ZNF143: variants seen among roughly 807,000 people sequenced by gnomAD.
ZNF143 encodes the protein SPH-binding factor.
ZNF143 carries 49 observed loss-of-function variants against 74.1 expected under a neutral mutation model. That is an observed-to-expected ratio of 0.66 (90% confidence interval 0.53 to 0.84). ZNF143 has a LOEUF of 0.84. Ranked by LOEUF, ZNF143 falls within the 40% of genes least tolerant of loss-of-function variation. The probability of loss-of-function intolerance (pLI) is 0.00; values close to 1 mark genes in which losing one functional copy is unlikely to be tolerated. For synonymous variants in ZNF143, 304 were observed against 282.8 expected (o/e 1.07, Z -0.75); for missense variants, 637 against 793.4 (o/e 0.80, Z 2.37).
At chr11:9,523,197 G>T (rs1460229656) in intron 14 of ZNF143, among the ~76,000 whole-genome samples, 1 of 151,966 alleles carries the variant, frequency 6.6e-6, no homozygotes, top group Non-Finnish European at 1.5e-5. Flanking sequence ...ATTACGTGTT[G>T]TGGCTGGGTT....
intron 5 of ZNF143, 125 bp downstream of exon 5, chr11:9,474,758 A>T: frequency 1.9e-6 from 2 of 1,030,168 alleles, no homozygotes; most frequent in Non-Finnish European, 2.8e-6. Context: ...TTAAAGTACA[A>T]GGTGGCAGAT....
chr11:9,518,808 A>G (rs1848812780), intron 14 of ZNF143, among the ~76,000 whole-genome samples: 1 of 151,978 alleles, frequency 6.6e-6, no homozygotes, highest in Non-Finnish European at 1.5e-5. Context: ...CTTGTTACAT[A>G]TTGCCAAATT....
In ZNF143 at chr11:9,501,197, C is replaced by G; in HGVS notation, c.1074C>G (p.Tyr358Ter). Residue 358 changes from tyrosine (Y) to a stop codon, truncating the protein, a stop_gained, in exon 11 of 16, where the codon TAC (tyrosine) becomes TAG (stop). Transcript: ENST00000396602. LOFTEE classifies it high-confidence loss of function. Reference sequence around the variant, plus strand: ...CACACACAGGAGAAAGACCTTATTACTGCACAGAGCCAGGATGTGGGAGGG... The same window carrying G: ...CACACACAGGAGAAAGACCTTATTAGTGCACAGAGCCAGGATGTGGGAGGG... The part of the protein sequence containing the change: ...VRTHTGERPY[Y>*]CTEPGCGRAF... 1 of 1,614,166 alleles carries G rather than the reference C, an allele frequency of 6.2e-7. No individual in the cohort carries two copies. Among genetic ancestry groups the G allele is most frequent in the Non-Finnish European group, 8.5e-7 (1 of 1,180,022 alleles).
intron 10 of ZNF143, among the ~76,000 whole-genome samples, chr11:9,499,736 C>T (rs569996091): frequency 2.0e-5 from 3 of 152,132 alleles, no homozygotes; most frequent in Non-Finnish European, 4.4e-5. Flanking sequence ...AACAAACTTA[C>T]TATATATAGA....
In ZNF143 at chr11:9,492,707, T is replaced by C. The variant is rs540375223; in HGVS notation, c.646-1939T>C. Among the ~76,000 whole-genome samples the C allele has an allele frequency of 5.9e-5, 9 of 152,354 alleles. No homozygotes were observed. In the East Asian group the frequency reaches 1.7e-3, roughly 29 times the overall value. On this transcript the variant is annotated intron_variant, in intron 7 of 15. Transcript: ENST00000396602. The stretch of plus-strand genomic sequence containing the variant: ...ATTCTGTTCATATATTTTAGTGGTA[T>C]GAATCCTTTTATAAATCTTGTGACA...
chr11:9,479,534 GA>G lies in ZNF143; in HGVS notation c.640del (p.Met214CysfsTer12). The G allele has an allele frequency of 6.2e-7, 1 of 1,612,324 alleles. No individual in the cohort carries two copies. Among genetic ancestry groups the G allele is most frequent in the Non-Finnish European group, 8.5e-7 (1 of 1,179,454 alleles). On this transcript the variant is annotated frameshift_variant, in exon 7 of 16. Coordinates refer to ENST00000396602, the MANE Select transcript of ZNF143 (RefSeq NM_003442.6). LOFTEE classifies it high-confidence loss of function. ...GAATGATTGGAGAAAATGAGCAAGA[GA>G]AAAAAATGCAGGTATGTAAAGCTAC... ...TGMIGENEQE[K>X]KMQIVLQGHA...
intron 3 of ZNF143, among the ~76,000 whole-genome samples, chr11:9,473,499 A>G (rs1035310248): frequency 6.6e-5 from 10 of 152,158 alleles, no homozygotes; most frequent in East Asian, 1.9e-4. Flanking sequence ...CTTTGTTTCT[A>G]TGGAAACCTA....
intron 1 of ZNF143, among the ~76,000 whole-genome samples, chr11:9,464,160 G>T (rs1856049146): frequency 1.3e-5 from 2 of 151,630 alleles, no homozygotes; most frequent in South Asian, 4.2e-4. Context: ...AAGAGACAGG[G>T]TCTCACTCTC....
rs1377252101 is a variant in ZNF143, at chr11:9,474,586, T to C, written c.326T>C (p.Val109Ala). ...TTGCGTCTAGAGGATGGTCAAGCAG[T>C]ACAGTTAGAAGATGGTACCACAGCA... Reference protein sequence around the residue: ...DSLRLEDGQAVQLEDGTTAFI... With the variant: ...DSLRLEDGQAAQLEDGTTAFI... Residue 109 changes from valine to alanine, a missense_variant, in exon 5 of 16, where the codon GTA becomes GCA. By Grantham distance (64) the Val-to-Ala change is moderately conservative. Coordinates refer to ENST00000396602, the MANE Select transcript of ZNF143 (RefSeq NM_003442.6). 6.2e-7 allele frequency: 1 copy of C among 1,614,152 alleles called. No individual in the cohort carries two copies. Among genetic ancestry groups the C allele is most frequent in the Non-Finnish European group, 8.5e-7 (1 of 1,180,028 alleles).
chr11:9,486,968 C>CTT (rs779391254), intron 7 of ZNF143, among the ~76,000 whole-genome samples: 5 of 104,680 alleles, frequency 4.8e-5, no homozygotes, highest in Non-Finnish European at 5.8e-5. Context: ...GCACCTGGCC[C>CTT]TTTTTTTTTT....
intron 14 of ZNF143, among the ~76,000 whole-genome samples, chr11:9,523,309 A>G (rs1343454469): frequency 2.6e-5 from 4 of 152,198 alleles, no homozygotes; most frequent in Admixed American, 6.5e-5. Context: ...GGTAAGATTG[A>G]AACTTCAAAT....
At chr11:9,493,111 C>G (rs1172611724) in intron 7 of ZNF143, among the ~76,000 whole-genome samples, 2 of 148,122 alleles carry the variant, frequency 1.4e-5, no homozygotes, top group Non-Finnish European at 3.0e-5. Flanking sequence ...CACTCTGTCT[C>G]CAGGCTGGAG....
intron 7 of ZNF143, among the ~76,000 whole-genome samples, chr11:9,484,784 C>T (rs1847395264): frequency 8.2e-6 from 1 of 121,460 alleles, no homozygotes; most frequent in Non-Finnish European, 1.7e-5. Flanking sequence ...GCGTGAGCCA[C>T]CGCACCTGGC....
chr11:9,506,920 G>A (rs184853284), intron 11 of ZNF143, among the ~76,000 whole-genome samples: 1 of 152,148 alleles, frequency 6.6e-6, no homozygotes, highest in Non-Finnish European at 1.5e-5. Flanking sequence ...CCTCTTGGCT[G>A]TGGTTTGGTG....
rs556444954 is a variant in ZNF143, at chr11:9,488,628, C to A, written c.646-6018C>A. 1.1e-4 allele frequency among the ~76,000 whole-genome samples: 17 copies of A among 152,268 alleles called. 1 individual carries two copies. The South Asian group carries it at 3.5e-3, about 32-fold the overall frequency. On this transcript the variant is annotated intron_variant, in intron 7 of 15. Transcript: ENST00000396602. ...GCCCTGTTAGATCTTTTCATAGACT[C>A]CTGTGATAACAATTATTATATTCTA...
intron 7 of ZNF143, among the ~76,000 whole-genome samples, chr11:9,486,396 A>ATATATATTATATATAATATATATAAT (rs1245802133): frequency 8.4e-5 from 1 of 11,922 alleles, no homozygotes; most frequent in African/African-American, 2.2e-4. Context: ...TAATATATAT[A>ATATATATTATATATAATATATATAAT]ATATATTATA....
At chr11:9,507,518 A>G (rs558781046) in intron 11 of ZNF143, among the ~76,000 whole-genome samples, 22 of 152,302 alleles carry the variant, frequency 1.4e-4, no homozygotes, top group South Asian at 6.2e-4. Flanking sequence ...TTTGTTTGCA[A>G]TTCTTCCCCT....
intron 14 of ZNF143, among the ~76,000 whole-genome samples, 177 bp downstream of exon 14, chr11:9,516,539 T>C (rs1848730037): frequency 6.6e-6 from 1 of 152,208 alleles, no homozygotes; most frequent in Admixed American, 6.5e-5. Flanking sequence ...AGTAGGGTGC[T>C]AGTTGCATGT....
chr11:9,524,826 TACG>T (rs1295286027), intron 14 of ZNF143, among the ~76,000 whole-genome samples: 1 of 152,020 alleles, frequency 6.6e-6, no homozygotes, highest in African/African-American at 2.4e-5. Flanking sequence ...TAATTTTAAA[TACG>T]ACAAGTAAAG....
Sources: gnomAD v4.1 joint callset for allele counts (sites outside exome capture counted in the v4.1 genomes callset) on GRCh38, gnomAD v4.1.1 for gene constraint, MANE v1.5 for transcripts, NCBI Gene and HGNC (gene_info 2026-07-23, HGNC 2026-07-21) for gene names.